TP53AIP1: variants seen among roughly 807,000 people sequenced by gnomAD.
TP53AIP1 encodes tumor protein p53 regulated apoptosis inducing protein 1, also known as p53-regulated apoptosis-inducing protein 1.
TP53AIP1 carries 14 observed loss-of-function variants against 9.5 expected under a neutral mutation model. The ratio of observed to expected loss-of-function variants is 1.47; its 90% CI spans 0.97 to 2.30. TP53AIP1 has a LOEUF of 2.30. Ranked by LOEUF, TP53AIP1 falls within the 30% of genes most tolerant of loss-of-function variation. The pLI, the probability that TP53AIP1 is intolerant of heterozygous loss-of-function variation, is 0.00. For missense variants in TP53AIP1, 153 were observed against 146.7 expected (o/e 1.04, Z -0.22); for synonymous variants, 73 against 61.2 (o/e 1.19, Z -0.90).
chr11:128,940,501 C>T (rs1046180050), intron 1 of TP53AIP1, among the ~76,000 whole-genome samples: 2 of 152,216 alleles, frequency 1.3e-5, no homozygotes, highest in African/African-American at 2.4e-5. Context: ...TACATTCACT[C>T]GTTGCCCTTC....
At chr11:128,936,197 A>T (rs919193744) in intron 3 of TP53AIP1, 13 of 1,071,222 alleles carry the variant, frequency 1.2e-5, no homozygotes, top group Non-Finnish European at 1.5e-5. Context: ...ACAGCTTTGC[A>T]GAAACTAAAG....
At chr11:128,935,893 G>T in intron 3 of TP53AIP1, 181 bp from the exon 4 acceptor site, 1 of 1,311,100 alleles carries the variant, frequency 7.6e-7, no homozygotes. Flanking sequence ...AAAATCTTTA[G>T]ATTTCATAGA....
chr11:128,941,503 T>C (rs10790979), intron 1 of TP53AIP1, among the ~76,000 whole-genome samples: 44,068 of 152,200 alleles, frequency 0.29, 6,626 homozygotes, highest in Middle Eastern at 0.38. Flanking sequence ...CCAACGCACC[T>C]TTCATTGCCT....
rs1378735061 is a variant in TP53AIP1 at position 128,935,610 on chromosome 11, G to A, written c.356C>T (p.Ala119Val). 3 of 1,578,418 alleles carry A rather than the reference G, an allele frequency of 1.9e-6. No individual in the cohort carries two copies. The highest frequency in any genetic ancestry group is 3.5e-5 in the Admixed American group (2 of 57,200). Residue 119 changes from alanine to valine, a missense_variant, in exon 4 of 4, where the codon GCA becomes GTA. Physicochemically the swap from Ala to Val is moderately conservative, Grantham distance 64. Transcript: ENST00000531399. ...CTCGGCTCACTGCAACCTCAACGGT[G>A]CTTTTTTCTGATCATAGCTGAGCTC... ...AFELSYDQKK[A>V]PLRLQ
At chr11:128,936,771 G>A in intron 2 of TP53AIP1, 122 bp from the exon 3 acceptor site, 2 of 1,440,534 alleles carry the variant, frequency 1.4e-6, no homozygotes, top group Non-Finnish European at 1.8e-6. Context: ...CCTCAGCAAA[G>A]TGATGACGCT....
chr11:128,939,031 C>A lies in TP53AIP1; in HGVS notation c.-76-1137G>T, dbSNP rs112513943. ...TGCGGTGACCACGCTAAGTACTGTG[C>A]GTGTACCATTTCTCGGAATACTTCC... On this transcript the variant is annotated intron_variant, in intron 1 of 3. Transcript: ENST00000531399. The surrounding 1 kb of genome is among the most constrained non-coding windows in gnomAD (Gnocchi z 4.1). Among the ~76,000 whole-genome samples, 2 of 152,112 alleles carry A rather than the reference C, an allele frequency of 1.3e-5. No individual in the cohort carries two copies. The highest frequency in any genetic ancestry group is 2.9e-5 in the Non-Finnish European group (2 of 68,022).
Position 128,937,672 on chromosome 11 carries a change from A to T in TP53AIP1, c.141+6T>A. ...GACCGTCTCGGTTTTCACTGCAGGGACTTACCCAGCCAGGTGTGTGTGTCT... is the reference window on the plus strand; with the variant it reads ...GACCGTCTCGGTTTTCACTGCAGGGTCTTACCCAGCCAGGTGTGTGTGTCT... On this transcript the variant is annotated splice_donor_region_variant and intron_variant, in intron 2 of 3. Coordinates refer to ENST00000531399, the MANE Select transcript of TP53AIP1 (RefSeq NM_022112.3). The surrounding 1 kb of genome is among the most constrained non-coding windows in gnomAD (Gnocchi z 4.8). 1 of 1,613,954 alleles carries T rather than the reference A, an allele frequency of 6.2e-7. No homozygotes were observed. Among genetic ancestry groups the T allele is most frequent in the South Asian group, 1.1e-5 (1 of 91,054 alleles).
chr11:128,941,829 G>A (rs1202738846), intron 1 of TP53AIP1, among the ~76,000 whole-genome samples: 1 of 152,198 alleles, frequency 6.6e-6, no homozygotes, highest in Non-Finnish European at 1.5e-5. Flanking sequence ...ACCTTCCCCT[G>A]CTTGCCAGCC....
In TP53AIP1 at chr11:128,935,552, T is replaced by C. The variant is rs1025859115; in HGVS notation, c.*39A>G. ...TTTTTGTTTTGAGATGGAGTCTCTC[T>C]CTGTCGCCCAGGCTGGAGTGCAGTG... On this transcript the variant is annotated 3_prime_UTR_variant, in exon 4 of 4. Transcript: ENST00000531399. The C allele has an allele frequency of 1.1e-5, 17 of 1,529,742 alleles. No homozygotes were observed. Among genetic ancestry groups the C allele is most frequent in the Non-Finnish European group, 1.4e-5 (16 of 1,145,138 alleles). 94.8% of individuals were successfully genotyped at this position (1,529,742 alleles called of 1,614,324 possible).
At chr11:128,934,809 G>A (rs940480351), downstream of TP53AIP1, 8 of 563,632 alleles carry the variant, frequency 1.4e-5, no homozygotes, top group Admixed American at 6.1e-5. Flanking sequence ...CCACAGGGAA[G>A]GGAGAAAAGC....
chr11:128,935,545 GTCTC>G lies in TP53AIP1; in HGVS notation c.*42_*45del. On this transcript the variant is annotated 3_prime_UTR_variant, in exon 4 of 4. Transcript: ENST00000531399. ...TTGTTTGTTTTTGTTTTGAGATGGA[GTCTC>G]TCTCTGTCGCCCAGGCTGGAGTGCA... The G allele has an allele frequency of 1.3e-6, 2 of 1,526,320 alleles. No homozygotes were observed. Among genetic ancestry groups the G allele is most frequent in the Non-Finnish European group, 1.7e-6 (2 of 1,142,928 alleles). 94.5% of individuals were successfully genotyped at this position (1,526,320 alleles called of 1,614,324 possible). A position where few individuals can be genotyped will look rare whatever the true frequency, so the allele number is the denominator to read the frequency against.
rs141395772 is a variant in TP53AIP1, at chr11:128,937,755, G to GC, written c.63dup (p.Gln22AlafsTer81). 7,713 of 1,614,008 alleles carry GC rather than the reference G, an allele frequency of 4.8e-3. 30 individuals carry two copies. Among genetic ancestry groups the GC allele is most frequent in the Non-Finnish European group, 5.8e-3 (6,886 of 1,180,020 alleles). On this transcript the variant is annotated frameshift_variant, in exon 2 of 4. Transcript: ENST00000531399. LOFTEE classifies it high-confidence loss of function. This position sits in a 1 kb window ranked among gnomAD's most constrained non-coding sequence, Gnocchi z 4.8. ...TTCTGGTCTCCCCTGCCCAGGCCCT[G>GC]CCTCCTGGCCCCACTGCAGGAAGCT... is the stretch of plus-strand genomic sequence containing the variant.
Position 128,937,490 on chromosome 11 carries a change from T to A in TP53AIP1, c.141+188A>T, listed in dbSNP as rs1277510147. On this transcript the variant is annotated intron_variant, in intron 2 of 3. Coordinates refer to ENST00000531399, the MANE Select transcript of TP53AIP1 (RefSeq NM_022112.3). The surrounding 1 kb of genome is among the most constrained non-coding windows in gnomAD (Gnocchi z 4.8). ...TCCTCTTGGGACTATTGATCAGGGC[T>A]GTCAGTTCCCAGCTCTGTCCAATGC... 6.3e-7 allele frequency: 1 copy of A among 1,577,908 alleles called. No individual in the cohort carries two copies. Among genetic ancestry groups the A allele is most frequent in the Non-Finnish European group, 8.6e-7 (1 of 1,157,984 alleles).
chr11:128,938,599 C>T (rs2136022782), intron 1 of TP53AIP1, among the ~76,000 whole-genome samples: 1 of 152,286 alleles, frequency 6.6e-6, no homozygotes, highest in East Asian at 1.9e-4. Flanking sequence ...CCAGTCTTCC[C>T]CGTCCCTGTT....
chr11:128,935,956 A>G (rs1944815191), intron 3 of TP53AIP1: 1 of 1,197,082 alleles, frequency 8.4e-7, no homozygotes, highest in Non-Finnish European at 1.1e-6. Context: ...TATGCTAATG[A>G]TAACAGTAAG....
At chr11:128,934,945 T>C (rs555931385), downstream of TP53AIP1, 88 of 701,440 alleles carry the variant, frequency 1.3e-4, no homozygotes, top group East Asian at 2.1e-3. Flanking sequence ...TACACACCAA[T>C]GCTTTTCCCC....
rs1944898857 is a variant in TP53AIP1, at chr11:128,939,381, CTG to C, written c.-76-1489_-76-1488del. ...CCGCAGAGGCAGGGGCAGCTGACTG[CTG>C]TCCCAGATGGACATAGAAGGTCACC... On this transcript the variant is annotated intron_variant, in intron 1 of 3. Coordinates refer to ENST00000531399, the MANE Select transcript of TP53AIP1 (RefSeq NM_022112.3). The surrounding 1 kb of genome is among the most constrained non-coding windows in gnomAD (Gnocchi z 4.1). Among the ~76,000 whole-genome samples the C allele has an allele frequency of 1.3e-5, 2 of 152,220 alleles. No homozygotes were observed. Among genetic ancestry groups the C allele is most frequent in the African/African-American group, 4.8e-5 (2 of 41,460 alleles).
chr11:128,937,745 C>A lies in TP53AIP1; in HGVS notation c.74G>T (p.Gly25Val), dbSNP rs2136020971. 2 of 1,614,092 alleles carry A rather than the reference C, an allele frequency of 1.2e-6. No homozygotes were observed. The highest frequency in any genetic ancestry group is 1.7e-6 in the Non-Finnish European group (2 of 1,180,016). ...CACCGAGAGGTTCTGGTCTCCCCTG[C>A]CCAGGCCCTGCCTCCTGGCCCCACT... ...SCSGARRQGL[G>V]RGDQNLSVMP... The change falls in exon 2 of 4, where the codon GGC (glycine) becomes GTC (valine). Residue 25 changes from glycine to valine, a missense_variant. Coordinates refer to ENST00000531399, the MANE Select transcript of TP53AIP1 (RefSeq NM_022112.3). The surrounding 1 kb of genome is among the most constrained non-coding windows in gnomAD (Gnocchi z 4.8).
chr11:128,942,675 C>T (rs1243277127), intron 1 of TP53AIP1, 119 bp downstream of exon 1: 1 of 152,428 alleles, frequency 6.6e-6, no homozygotes, highest in African/African-American at 2.4e-5. Context: ...CACGACTGTA[C>T]TTTCCGCACA....
Sources: allele counts gnomAD v4.1 joint callset (sites outside exome capture counted in the v4.1 genomes callset), GRCh38; gene constraint gnomAD v4.1.1; non-coding constraint Gnocchi (gnomAD v3.1); transcripts MANE v1.5; gene names NCBI Gene and HGNC (gene_info 2026-07-23, HGNC 2026-07-21).